Variants in DLG2 observed in about 807,000 individuals in gnomAD.
DLG2 encodes discs large MAGUK scaffold protein 2, also known as disks large homolog 2.
DLG2 carries 45 observed loss-of-function variants against 132.5 expected under a neutral mutation model. That is an observed-to-expected ratio of 0.34 (90% CI 0.27 to 0.44). The LOEUF is 0.44. Among genes scored for constraint, DLG2 ranks in the 20% least tolerant of loss-of-function variants. The probability of loss-of-function intolerance (pLI) is 1.00; values close to 1 mark genes in which losing one functional copy is unlikely to be tolerated. For synonymous variants in DLG2, 424 were observed against 419.6 expected (o/e 1.01, Z -0.13); for missense variants, 1,045 against 1,196.9 (o/e 0.87, Z 1.87).
intron 7 of DLG2, among the ~76,000 whole-genome samples, chr11:84,506,076 G>GTTTTTTTTTTTTTTTTTTTTTTT (rs559086542): frequency 1.1e-5 from 1 of 91,418 alleles, no homozygotes; most frequent in African/African-American, 6.8e-5. Context: ...CAGAGGCTCA[G>GTTTTTTTTTTTTTTTTTTTTTTT]TTCTTTTTTT....
intron 7 of DLG2, among the ~76,000 whole-genome samples, chr11:84,442,847 T>C (rs942643005): frequency 5.9e-5 from 9 of 152,134 alleles, no homozygotes; most frequent in Non-Finnish European, 1.2e-4. Flanking sequence ...CTGGAAAAAG[T>C]GCAATAATTA....
chr11:84,486,196 T>G (rs2099150435), intron 7 of DLG2, among the ~76,000 whole-genome samples: 1 of 152,110 alleles, frequency 6.6e-6, no homozygotes, highest in Non-Finnish European at 1.5e-5. Flanking sequence ...GAGGTAGATC[T>G]CAATAAAGGG....
chr11:84,678,020 A>G lies in DLG2; in HGVS notation c.358-143289T>C, dbSNP rs183968486. On this transcript the variant is annotated intron_variant, in intron 6 of 27. Transcript: ENST00000376104. ...AGTCCAAGTCTGCAGAATGCCATTA[A>G]GTATCAAGGCAATTAATGAGTTTCA... Among the ~76,000 whole-genome samples the G allele has an allele frequency of 2.0e-3, 307 of 152,254 alleles. 1 individual carries two copies. The highest frequency in any genetic ancestry group is 5.6e-3 in the Admixed American group (85 of 15,270).
intron 18 of DLG2, among the ~76,000 whole-genome samples, chr11:83,784,745 A>G (rs1463034551): frequency 6.6e-6 from 1 of 152,218 alleles, no homozygotes; most frequent in East Asian, 1.9e-4. Flanking sequence ...TAAACTTTAA[A>G]GCTTGAAGTC....
intron 6 of DLG2, among the ~76,000 whole-genome samples, chr11:84,652,090 C>T (rs771655188): frequency 1.3e-5 from 2 of 152,108 alleles, no homozygotes; most frequent in African/African-American, 2.4e-5. Context: ...ATGAAAGAAG[C>T]TATAAAACCT....
At chr11:84,240,303 G>A (rs1425632661) in intron 8 of DLG2, among the ~76,000 whole-genome samples, 1 of 152,168 alleles carries the variant, frequency 6.6e-6, no homozygotes, top group African/African-American at 2.4e-5. Context: ...AGCTAACCTA[G>A]GGACTGTCAT....
At chr11:83,712,828 G>T (rs11822187) in intron 18 of DLG2, among the ~76,000 whole-genome samples, 1 of 152,092 alleles carries the variant, frequency 6.6e-6, no homozygotes, top group African/African-American at 2.4e-5. Flanking sequence ...CAGGGGCACG[G>T]AGAGCATCAG....
At chr11:84,262,835 G>A (rs1207482309) in intron 7 of DLG2, among the ~76,000 whole-genome samples, 1 of 152,070 alleles carries the variant, frequency 6.6e-6, no homozygotes, top group Non-Finnish European at 1.5e-5. Context: ...GTCTCATCCA[G>A]GTCACTGCAA....
chr11:84,183,653 G>A (rs1171900224), intron 8 of DLG2, among the ~76,000 whole-genome samples: 1 of 152,044 alleles, frequency 6.6e-6, no homozygotes, highest in Non-Finnish European at 1.5e-5. Context: ...GTATACATGT[G>A]CCATGTTGGT....
intron 5 of DLG2, among the ~76,000 whole-genome samples, chr11:85,149,483 C>A (rs1261259110): frequency 6.6e-6 from 1 of 152,146 alleles, no homozygotes; most frequent in African/African-American, 2.4e-5. Context: ...TCTGATGCCA[C>A]TTCCCATCCC....
rs1435106394 is a variant in DLG2, at chr11:83,653,812, T to A, written c.1826-20487A>T. Among the ~76,000 whole-genome samples the A allele has an allele frequency of 5.3e-5, 8 of 150,654 alleles. No individual in the cohort carries two copies. In the East Asian group the frequency reaches 1.5e-3, roughly 29 times the overall value. On this transcript the variant is annotated intron_variant, in intron 18 of 27. Coordinates refer to ENST00000376104, the MANE Select transcript of DLG2 (RefSeq NM_001142699.3). ...ATCTTGGCTCATTGCAACCTCTGCC[T>A]CCCAGGTTCAAGAGATTCTCCTGTG...
chr11:85,446,131 T>A (rs967160921), intron 3 of DLG2, among the ~76,000 whole-genome samples: 1 of 152,172 alleles, frequency 6.6e-6, no homozygotes, highest in East Asian at 1.9e-4. Flanking sequence ...AAATAAAATG[T>A]TGGTATGGTG....
At chr11:84,823,023 T>G (rs2077883508) in intron 6 of DLG2, among the ~76,000 whole-genome samples, 1 of 151,918 alleles carries the variant, frequency 6.6e-6, no homozygotes, top group South Asian at 2.1e-4. Flanking sequence ...AGTTACTTTA[T>G]TAGGTTATAT....
At chr11:83,489,754 T>C (rs1019432001) in intron 21 of DLG2, among the ~76,000 whole-genome samples, 5 of 152,032 alleles carry the variant, frequency 3.3e-5, no homozygotes, top group Non-Finnish European at 7.4e-5. Flanking sequence ...CGAACTTCAC[T>C]TAACAGGTTT....
intron 6 of DLG2, among the ~76,000 whole-genome samples, chr11:85,040,721 T>A (rs558341149): frequency 6.6e-6 from 1 of 152,040 alleles, no homozygotes; most frequent in South Asian, 2.1e-4. Flanking sequence ...ATAGAAGTAC[T>A]ACTGCCAGAA....
intron 20 of DLG2, among the ~76,000 whole-genome samples, chr11:83,541,300 C>T (rs971936697): frequency 2.0e-5 from 3 of 152,100 alleles, no homozygotes; most frequent in Non-Finnish European, 2.9e-5. Flanking sequence ...CATTTGCCTT[C>T]GACTTGGCCT....
At chr11:85,613,782 C>G (rs2081164859) in intron 2 of DLG2, among the ~76,000 whole-genome samples, 1 of 152,220 alleles carries the variant, frequency 6.6e-6, no homozygotes, top group African/African-American at 2.4e-5. Context: ...CCGCTTGGGT[C>G]CCCTTCCACG....
intron 7 of DLG2, among the ~76,000 whole-genome samples, chr11:84,305,539 C>A (rs933773538): frequency 1.3e-5 from 2 of 152,070 alleles, no homozygotes; most frequent in African/African-American, 4.8e-5. Flanking sequence ...TAAACTGGGT[C>A]TTACTGATAT....
intron 11 of DLG2, among the ~76,000 whole-genome samples, chr11:84,052,687 CAA>C (rs67140653): frequency 0.023 from 2,845 of 125,118 alleles, 36 homozygotes; most frequent in African/African-American, 0.051. Flanking sequence ...ATTAAAAAGT[CAA>C]AAAAAAAAAA....
Sources: allele counts gnomAD v4.1 joint callset (sites outside exome capture counted in the v4.1 genomes callset), GRCh38; gene constraint gnomAD v4.1.1; transcripts MANE v1.5; gene names NCBI Gene and HGNC (gene_info 2026-07-23, HGNC 2026-07-21).